Variants in RGL4 observed in about 807,000 individuals in gnomAD.
RGL4 encodes the protein ral guanine nucleotide dissociation stimulator like 4.
In RGL4, 41 loss-of-function variants were observed where a neutral mutation model predicts 49.6. The ratio of observed to expected loss-of-function variants is 0.83; its 90% CI spans 0.64 to 1.07. The LOEUF is 1.07. RGL4 is among the 50% of genes least tolerant of loss of function. RGL4 has a pLI of 0.00. For missense variants in RGL4, 610 were observed against 591.9 expected (o/e 1.03, Z -0.32); for synonymous variants, 255 against 238.0 (o/e 1.07, Z -0.66).
chr22:23,693,452 G>A (rs563313626), intron 3 of RGL4, among the ~76,000 whole-genome samples: 7 of 152,320 alleles, frequency 4.6e-5, no homozygotes, highest in African/African-American at 1.4e-4. Context: ...GGAGGAAGAC[G>A]AGGCCTCAGG....
intron 3 of RGL4, chr22:23,693,220 G>A (rs1358713432): frequency 4.0e-6 from 3 of 759,316 alleles, no homozygotes; most frequent in East Asian, 5.7e-5. Flanking sequence ...CTGAGTGACA[G>A]GAGATGGACA....
At chr22:23,693,192 A>G in intron 3 of RGL4, 1 of 911,882 alleles carries the variant, frequency 1.1e-6, no homozygotes, top group Non-Finnish European at 1.6e-6. Context: ...CGCCAGCTGC[A>G]CAGAGTGACT....
rs1284108738 is a variant in RGL4 at position 23,698,309 on chromosome 22, T to C, written c.1358T>C (p.Met453Thr). ...AAATTTGTCACCTATTTCACAAGAATGGAGCAGCTCAGTGACAAAGAGAGG... is the reference window on the plus strand; with the variant it reads ...AAATTTGTCACCTATTTCACAAGAACGGAGCAGCTCAGTGACAAAGAGAGG... Reference protein sequence around the residue: ...LEKFVTYFTRMEQLSDKESYK... With the variant: ...LEKFVTYFTRTEQLSDKESYK... The change falls in exon 10 of 11, where the codon ATG becomes ACG. Residue 453 changes from methionine (M) to threonine (T), a missense_variant. Met to Thr is a moderately conservative substitution (Grantham distance 81). Coordinates refer to ENST00000290691, the MANE Select transcript of RGL4 (RefSeq NM_153615.2). 3 of 1,609,188 alleles carry C rather than the reference T, an allele frequency of 1.9e-6. No individual in the cohort carries two copies. Among genetic ancestry groups the C allele is most frequent in the Non-Finnish European group, 2.6e-6 (3 of 1,175,896 alleles).
In RGL4 at chr22:23,695,552, C is replaced by T. The variant is rs1262910140; in HGVS notation, c.1086+533C>T. 13 of 436,540 alleles carry T rather than the reference C, an allele frequency of 3.0e-5. No homozygotes were observed. In the East Asian group the frequency reaches 9.5e-4, roughly 32 times the overall value. 27.0% of individuals were successfully genotyped at this position (436,540 alleles called of 1,614,324 possible). The stretch of plus-strand genomic sequence containing the variant: ...AGGGGGAACAACAACAGAGGAAGCT[C>T]ATGTGGCAGGGAGTCCAGTAACTGC... On this transcript the variant is annotated intron_variant, in intron 6 of 10. Coordinates refer to ENST00000290691, the MANE Select transcript of RGL4 (RefSeq NM_153615.2).
At chr22:23,694,239 C>T in intron 4 of RGL4, 108 bp from the exon 5 acceptor site, 5 of 925,930 alleles carry the variant, frequency 5.4e-6, no homozygotes, top group Non-Finnish European at 7.0e-6. Context: ...TCCTGAGGCT[C>T]CCCAGGCCTC....
In RGL4 at chr22:23,698,193, T is replaced by C. The variant is rs1248953188; in HGVS notation, c.1261-19T>C. ...AACTTCCACCCAGGCCCTGTCAGCA[T>C]CCTGTCCTCTGTCTCTAGGAGGTCC... On this transcript the variant is annotated intron_variant, in intron 9 of 10. Coordinates refer to ENST00000290691, the MANE Select transcript of RGL4 (RefSeq NM_153615.2). 28 of 1,593,410 alleles carry C rather than the reference T, an allele frequency of 1.8e-5. No individual in the cohort carries two copies. The South Asian group carries it at 3.0e-4, about 17-fold the overall frequency.
chr22:23,693,074 C>T (rs543409763), intron 3 of RGL4, 83 bp downstream of exon 3: 4 of 1,478,266 alleles, frequency 2.7e-6, no homozygotes, highest in East Asian at 2.4e-5. Context: ...CCAATGCCCT[C>T]GGTCCAATTT....
intron 6 of RGL4, chr22:23,696,330 G>A: frequency 5.9e-6 from 8 of 1,356,560 alleles, no homozygotes; most frequent in Non-Finnish European, 7.7e-6. Context: ...TTCCTCAGAG[G>A]GATGACGGTG....
In RGL4 at chr22:23,693,752, C is replaced by G. The variant is rs1459650384; in HGVS notation, c.697-7C>G. 1 of 1,611,982 alleles carries G rather than the reference C, an allele frequency of 6.2e-7. No homozygotes were observed. Among genetic ancestry groups the G allele is most frequent in the Non-Finnish European group, 8.5e-7 (1 of 1,178,206 alleles). On this transcript the variant is annotated splice_region_variant and splice_polypyrimidine_tract_variant and intron_variant, in intron 3 of 10. Coordinates refer to ENST00000290691, the MANE Select transcript of RGL4 (RefSeq NM_153615.2). ...TGTGTCCGTGACACTCTCCTCCTCCCCCAAAGGAGCTGTTCAAGAAGGTGG... is the reference window on the plus strand; with the variant it reads ...TGTGTCCGTGACACTCTCCTCCTCCGCCAAAGGAGCTGTTCAAGAAGGTGG...
chr22:23,692,602 G>C (rs1038649537), intron 2 of RGL4, 67 bp from the exon 3 acceptor site: 23 of 1,576,534 alleles, frequency 1.5e-5, no homozygotes, highest in Non-Finnish European at 2.0e-5. Context: ...AATTCCACCC[G>C]GTCATTTCTG....
chr22:23,692,441 T>A lies in RGL4; in HGVS notation c.286T>A (p.Ser96Thr), dbSNP rs201981019. ...FRIKLAFRNL[S>T]WPGLGLEDHQ... The stretch of plus-strand genomic sequence containing the variant: ...GATAAAGCTGGCCTTCAGGAACCTC[T>A]CCTGGCCTGGACTGGGCTTGGAGGA... Residue 96 changes from serine to threonine, a missense_variant, in exon 2 of 11, where the codon TCC (serine) becomes ACC (threonine). Ser to Thr is a moderately conservative substitution (Grantham distance 58). Coordinates refer to ENST00000290691, the MANE Select transcript of RGL4 (RefSeq NM_153615.2). 1.2e-6 allele frequency: 2 copies of A among 1,614,188 alleles called. No homozygotes were observed. The highest frequency in any genetic ancestry group is 4.5e-5 in the East Asian group (2 of 44,874).
intron 6 of RGL4, among the ~76,000 whole-genome samples, chr22:23,696,040 C>T (rs1229163756): frequency 6.6e-6 from 1 of 152,188 alleles, no homozygotes. Flanking sequence ...TTTCCCATCA[C>T]GACTGTATGT....
In RGL4 at chr22:23,691,941, T is replaced by C; in HGVS notation, c.-90T>C. The C allele has an allele frequency of 2.1e-6, 3 of 1,417,392 alleles. No individual in the cohort carries two copies. Among genetic ancestry groups the C allele is most frequent in the Non-Finnish European group, 2.9e-6 (3 of 1,029,104 alleles). 87.8% of individuals were successfully genotyped at this position (1,417,392 alleles called of 1,614,324 possible). A position where few individuals can be genotyped will look rare whatever the true frequency, so the allele number is the denominator to read the frequency against. ...GAGAGACCCATCCCCCTCAGCACCG[T>C]GGCTTCCCAGCTCTCCCTGTCCTCC... is the stretch of plus-strand genomic sequence containing the variant. On this transcript the variant is annotated 5_prime_UTR_variant, in exon 1 of 11. Coordinates refer to ENST00000290691, the MANE Select transcript of RGL4 (RefSeq NM_153615.2).
At chr22:23,694,709 C>CT (rs1229569811) in intron 5 of RGL4, 1 of 593,038 alleles carries the variant, frequency 1.7e-6, no homozygotes, top group Admixed American at 3.0e-5. Context: ...CAGTGGAACT[C>CT]TGTGTCCAGC....
chr22:23,695,215 TG>T, intron 6 of RGL4, 196 bp downstream of exon 6: 1 of 518,604 alleles, frequency 1.9e-6, no homozygotes. Context: ...CATGGGCACG[TG>T]GGGGCATGGG....
rs1923713545 is a variant in RGL4 at position 23,698,889 on chromosome 22, C to T, written c.*6C>T. On this transcript the variant is annotated 3_prime_UTR_variant, in exon 11 of 11. Coordinates refer to ENST00000290691, the MANE Select transcript of RGL4 (RefSeq NM_153615.2). ...TGGAGCCCGAAAACCCGTAGGCTGG[C>T]AACATCCTGCAGTGGCTGGGAACCC... 6.2e-7 allele frequency: 1 copy of T among 1,612,504 alleles called. No homozygotes were observed. The highest frequency in any genetic ancestry group is 8.5e-7 in the Non-Finnish European group (1 of 1,179,462).
At chr22:23,694,759 G>A in intron 5 of RGL4, 191 bp from the exon 6 acceptor site, 1 of 616,638 alleles carries the variant, frequency 1.6e-6, no homozygotes, top group South Asian at 1.9e-5. Flanking sequence ...CATGTGAAGT[G>A]GAGATGGGGC....
At chr22:23,694,277 C>T in intron 4 of RGL4, 70 bp from the exon 5 acceptor site, 1 of 1,218,040 alleles carries the variant, frequency 8.2e-7, no homozygotes, top group Non-Finnish European at 1.2e-6. Flanking sequence ...GAGATCTCAG[C>T]AGAGGGGGCT....
rs1374374563 is a variant in RGL4, at chr22:23,691,703, G to A, written c.-328G>A. Reference sequence around the variant, plus strand: ...ATAAACTGGGTGGATTTAGGGTTCTGAAGGGCCTTTTCACCCACAAAACAT... The same window carrying A: ...ATAAACTGGGTGGATTTAGGGTTCTAAAGGGCCTTTTCACCCACAAAACAT... On this transcript the variant is annotated 5_prime_UTR_variant, in exon 1 of 11. Transcript: ENST00000290691. 1 of 271,262 alleles carries A rather than the reference G, an allele frequency of 3.7e-6. No individual in the cohort carries two copies. Among genetic ancestry groups the A allele is most frequent in the Non-Finnish European group, 7.2e-6 (1 of 139,594 alleles). The allele number at this position is 271,262 out of a possible 1,614,324, so 16.8% of individuals were successfully genotyped here.
Sources: gnomAD v4.1 joint callset for allele counts (sites outside exome capture counted in the v4.1 genomes callset) on GRCh38, gnomAD v4.1.1 for gene constraint, MANE v1.5 for transcripts, NCBI Gene and HGNC (gene_info 2026-07-23, HGNC 2026-07-21) for gene names.